The following MIDEAS variants were observed in gnomAD, a reference collection of about 807,000 sequenced individuals.
MIDEAS encodes the protein mitotic deacetylase-associated SANT domain protein.
A neutral mutation model predicts 102.7 loss-of-function variants in MIDEAS; 26 were observed. That is an observed-to-expected ratio of 0.25 (90% CI 0.19 to 0.35). MIDEAS has a LOEUF of 0.35. MIDEAS is among the 10% of genes least tolerant of loss of function. MIDEAS has a pLI of 1.00. For synonymous variants in MIDEAS, 585 were observed against 591.0 expected (o/e 0.99, Z 0.15); for missense variants, 1,231 against 1,435.6 (o/e 0.86, Z 2.30).
At chr14:73,746,039 G>A (rs554288718) in intron 1 of MIDEAS, among the ~76,000 whole-genome samples, 1 of 152,350 alleles carries the variant, frequency 6.6e-6, no homozygotes, top group Non-Finnish European at 1.5e-5. Flanking sequence ...CTTGGCCAGG[G>A]TTCAAGCTGC....
chr14:73,765,365 T>G (rs2053584977), intron 1 of MIDEAS, among the ~76,000 whole-genome samples: 1 of 152,206 alleles, frequency 6.6e-6, no homozygotes, highest in East Asian at 1.9e-4. Context: ...TTGATGACCT[T>G]CAGCGAGTTA....
Position 73,727,556 on chromosome 14 carries a change from AC to A in MIDEAS, c.2096-33del, listed in dbSNP as rs759885086. 5.8e-6 allele frequency: 9 copies of A among 1,564,848 alleles called. No individual in the cohort carries two copies. In the South Asian group the frequency reaches 8.3e-5, roughly 14 times the overall value. ...GACAAAGAGCAGGTTGATAAATAGC[AC>A]CCCCCTTTCAGCAAAGCACCCCCAA... is the stretch of plus-strand genomic sequence containing the variant. On this transcript the variant is annotated intron_variant, in intron 4 of 12. Transcript: ENST00000423556.
At chr14:73,765,512 C>A (rs1387958781) in intron 1 of MIDEAS, among the ~76,000 whole-genome samples, 1 of 152,180 alleles carries the variant, frequency 6.6e-6, no homozygotes, top group Non-Finnish European at 1.5e-5. Context: ...GCACACTTTA[C>A]CATCCACACT....
intron 1 of MIDEAS, among the ~76,000 whole-genome samples, chr14:73,766,553 T>C (rs1037541655): frequency 6.6e-6 from 1 of 152,052 alleles, no homozygotes; most frequent in Non-Finnish European, 1.5e-5. Flanking sequence ...TTTCTTTTCT[T>C]TTCTTTTTTT....
chr14:73,774,583 C>T (rs2053673683), intron 1 of MIDEAS, among the ~76,000 whole-genome samples: 1 of 151,918 alleles, frequency 6.6e-6, no homozygotes, highest in East Asian at 1.9e-4. Flanking sequence ...CTTCTGCCAC[C>T]TCTAAACCAG....
At position 73,742,005 on chromosome 14, in the gene MIDEAS, G is replaced by A. The variant is rs1566594845; in HGVS notation, c.-247-1750C>T. Among the ~76,000 whole-genome samples, 1 of 152,192 alleles carries A rather than the reference G, an allele frequency of 6.6e-6. No individual in the cohort carries two copies. ...CAACCTTTCTCTTGCTTTTAAACCC[G>A]CATTCCCTGACAGCCAACCTAATTC... On this transcript the variant is annotated intron_variant, in intron 1 of 12. Transcript: ENST00000423556. The surrounding 1 kb of genome is among the most constrained non-coding windows in gnomAD (Gnocchi z 4.4).
chr14:73,788,759 G>A (rs1014208763), upstream of MIDEAS, among the ~76,000 whole-genome samples: 1 of 152,140 alleles, frequency 6.6e-6, no homozygotes, highest in Non-Finnish European at 1.5e-5. Context: ...TTCAATTTTG[G>A]AATAAATAGA....
intron 3 of MIDEAS, among the ~76,000 whole-genome samples, chr14:73,736,384 AACTCT>A (rs1177376023): frequency 9.9e-5 from 15 of 151,742 alleles, no homozygotes; most frequent in Admixed American, 7.9e-4. Context: ...GTAATCCCAA[AACTCT>A]AGGAGGCTGA....
upstream of MIDEAS, among the ~76,000 whole-genome samples, chr14:73,763,152 C>T (rs757499320): frequency 1.1e-4 from 16 of 152,038 alleles, no homozygotes; most frequent in Admixed American, 2.0e-4. Flanking sequence ...GCCTAGGCAA[C>T]GTGGCAAAAC....
In MIDEAS at chr14:73,721,669, T is replaced by G. The variant is rs1018357269; in HGVS notation, c.2725-160A>C. 5.6e-4 allele frequency: 354 copies of G among 634,064 alleles called. 1 individual carries two copies. Among genetic ancestry groups the G allele is most frequent in the Non-Finnish European group, 9.0e-4 (327 of 361,616 alleles). The allele number at this position is 634,064 out of a possible 1,614,324, so 39.3% of individuals were successfully genotyped here. A position where few individuals can be genotyped will look rare whatever the true frequency, so the allele number is the denominator to read the frequency against. On this transcript the variant is annotated intron_variant, in intron 10 of 12. Coordinates refer to ENST00000423556, the MANE Select transcript of MIDEAS (RefSeq NM_001367710.1). ...ACTAGGACTCTGGACTCTGTCCCCATGGCATAGTAGCCATGGGGACAGAAG... is the reference window on the plus strand; with the variant it reads ...ACTAGGACTCTGGACTCTGTCCCCAGGGCATAGTAGCCATGGGGACAGAAG...
chr14:73,727,265 C>A, intron 5 of MIDEAS, 193 bp downstream of exon 5: 2 of 664,446 alleles, frequency 3.0e-6, no homozygotes, highest in South Asian at 1.9e-5. Flanking sequence ...CCGGTCCTTG[C>A]CCTTCCCTGC....
At chr14:73,745,193 C>T (rs538550408) in intron 1 of MIDEAS, among the ~76,000 whole-genome samples, 8 of 152,310 alleles carry the variant, frequency 5.3e-5, no homozygotes, top group Admixed American at 3.9e-4. Flanking sequence ...AAAGGCCCAG[C>T]CCGGGATCCC....
chr14:73,778,221 A>C (rs2140175519), intron 1 of MIDEAS, among the ~76,000 whole-genome samples: 1 of 151,980 alleles, frequency 6.6e-6, no homozygotes, highest in Non-Finnish European at 1.5e-5. Context: ...CGGGTGCGGC[A>C]GCACACACCT....
intron 7 of MIDEAS, 141 bp from the exon 8 acceptor site, chr14:73,726,249 G>A: frequency 5.4e-6 from 4 of 741,966 alleles, no homozygotes; most frequent in East Asian, 5.4e-5. Flanking sequence ...GGGGTCCACT[G>A]GGGTGGTGAG....
At chr14:73,763,168 C>T (rs1365310846), upstream of MIDEAS, among the ~76,000 whole-genome samples, 1 of 152,084 alleles carries the variant, frequency 6.6e-6, no homozygotes, top group East Asian at 1.9e-4. Flanking sequence ...AAAACCCAGT[C>T]TCTACAAAAA....
At chr14:73,743,570 T>C (rs760901846) in intron 1 of MIDEAS, among the ~76,000 whole-genome samples, 15 of 151,972 alleles carry the variant, frequency 9.9e-5, no homozygotes, top group Non-Finnish European at 1.6e-4. Context: ...ACTGCGCCAC[T>C]TCCTCTCATT....
At chr14:73,753,256 C>A (rs1241050527) in intron 1 of MIDEAS, among the ~76,000 whole-genome samples, 1 of 152,226 alleles carries the variant, frequency 6.6e-6, no homozygotes, top group African/African-American at 2.4e-5. Flanking sequence ...AGGTCTTCCC[C>A]ACCCTTCCCA....
Position 73,737,176 on chromosome 14 carries a change from G to T in MIDEAS, c.1571C>A (p.Pro524His), listed in dbSNP as rs199865421. 1.9e-6 allele frequency: 3 copies of T among 1,614,094 alleles called. No individual in the cohort carries two copies. Among genetic ancestry groups the T allele is most frequent in the East Asian group, 2.2e-5 (1 of 44,868 alleles). ...KRAREDSGMVPLIIPVSVPVR... is the reference protein window; with the variant it reads ...KRAREDSGMVHLIIPVSVPVR... ...AGGCACAGACACTGGGATGATGAGG[G>T]GTACCATCCCACTGTCTTCTCGTGC... The change falls in exon 3 of 13, where the codon CCC becomes CAC. Residue 524 changes from proline (P) to histidine (H), a missense_variant. Pro to His is a moderately conservative substitution (Grantham distance 77, BLOSUM62 -2). This residue lies in a region of MIDEAS where 758 missense variants were observed against 856.0 expected (regional missense o/e 0.89). Transcript: ENST00000423556.
chr14:73,725,945 G>C lies in MIDEAS; in HGVS notation c.2485+88C>G. 1.2e-5 allele frequency: 14 copies of C among 1,176,824 alleles called. No homozygotes were observed. Among genetic ancestry groups the C allele is most frequent in the Non-Finnish European group, 1.5e-5 (12 of 808,586 alleles). 72.9% of individuals were successfully genotyped at this position (1,176,824 alleles called of 1,614,324 possible). A position where few individuals can be genotyped will look rare whatever the true frequency, so the allele number is the denominator to read the frequency against. On this transcript the variant is annotated intron_variant, in intron 8 of 12. Coordinates refer to ENST00000423556, the MANE Select transcript of MIDEAS (RefSeq NM_001367710.1). The surrounding 1 kb of genome is among the most constrained non-coding windows in gnomAD (Gnocchi z 4.1). ...ACCCTCCTCCTCCCGCCCCCACCCA[G>C]GGCTGTGACTCAGCACTGAGCAGGG... is the stretch of plus-strand genomic sequence containing the variant.
Sources: allele counts gnomAD v4.1 joint callset (sites outside exome capture counted in the v4.1 genomes callset), GRCh38; gene constraint gnomAD v4.1.1; regional missense constraint gnomAD v4.1.1; non-coding constraint Gnocchi (gnomAD v3.1); transcripts MANE v1.5; gene names NCBI Gene and HGNC (gene_info 2026-07-23, HGNC 2026-07-21).